The following AP2S1 variants were observed in gnomAD, a reference collection of about 807,000 sequenced individuals.
The protein encoded by AP2S1 is adaptor related protein complex 2 subunit sigma 1, also known as AP-2 complex subunit sigma.
Under a neutral mutation model 21.0 loss-of-function variants are expected in AP2S1, and 6 were observed. The ratio of observed to expected loss-of-function variants is 0.29; its 90% CI spans 0.16 to 0.56. The LOEUF is 0.56. Ranked by LOEUF, AP2S1 falls within the 20% of genes least tolerant of loss-of-function variation. The pLI, the probability that AP2S1 is intolerant of heterozygous loss-of-function variation, is 0.92. For synonymous variants in AP2S1, 63 were observed against 74.6 expected, an observed-to-expected ratio of 0.84 and a Z score of 0.80; for missense variants, 60 against 186.2, an observed-to-expected ratio of 0.32 and a Z score of 3.95.
chr19:46,839,655 A>G (rs1287966211), intron 2 of AP2S1, 77 bp from the exon 3 acceptor site: 3 of 1,601,030 alleles, frequency 1.9e-6, no homozygotes, highest in Non-Finnish European at 8.5e-7. Context: ...CAAAACATTC[A>G]CTCCTTCACT....
intron 3 of AP2S1, among the ~76,000 whole-genome samples, chr19:46,839,221 A>G (rs1319451729): frequency 1.4e-5 from 2 of 138,036 alleles, no homozygotes; most frequent in Non-Finnish European, 3.1e-5. Context: ...TGGGAGGTGG[A>G]GGCTGCAATG....
At chr19:46,845,919 A>G in intron 2 of AP2S1, 74 bp downstream of exon 2, 1 of 1,594,784 alleles carries the variant, frequency 6.3e-7, no homozygotes, top group South Asian at 1.1e-5. Flanking sequence ...TCTTGCAACT[A>G]GAAGCTGGGC....
At chr19:46,841,624 C>T (rs921756591) in intron 2 of AP2S1, among the ~76,000 whole-genome samples, 31 of 152,230 alleles carry the variant, frequency 2.0e-4, no homozygotes, top group Admixed American at 2.0e-3. Flanking sequence ...TGGACTGAGC[C>T]TGTGGGGGAA....
chr19:46,842,684 G>T (rs971104187), intron 2 of AP2S1, among the ~76,000 whole-genome samples: 4 of 151,950 alleles, frequency 2.6e-5, no homozygotes, highest in African/African-American at 9.7e-5. Flanking sequence ...TAGCAGCAAG[G>T]TGCCCACACA....
intron 1 of AP2S1, chr19:46,850,125 C>T: frequency 8.1e-7 from 1 of 1,231,696 alleles, no homozygotes; most frequent in Non-Finnish European, 1.0e-6. Context: ...TTCCGAGTGT[C>T]CATCTTACCT....
In AP2S1 at chr19:46,838,819, A is replaced by G. The variant is rs753056812; in HGVS notation, c.268-20T>C. On this transcript the variant is annotated intron_variant, in intron 3 of 4. Transcript: ENST00000263270. This position sits in a 1 kb window ranked among gnomAD's most constrained non-coding sequence, Gnocchi z 4.1. ...TAAGACCTGGGAGAGGAAGGCAGAG[A>G]TGGTAAGAGATGGGCAGGGAGAGAG... The G allele has an allele frequency of 1.9e-6, 3 of 1,607,652 alleles. No individual in the cohort carries two copies. The highest frequency in any genetic ancestry group is 2.6e-6 in the Non-Finnish European group (3 of 1,174,580).
At chr19:46,845,811 T>A in intron 2 of AP2S1, 182 bp downstream of exon 2, 1 of 733,728 alleles carries the variant, frequency 1.4e-6, no homozygotes, top group Admixed American at 2.9e-5. Flanking sequence ...TGTTTATGAT[T>A]TTTCACAATG....
At position 46,850,781 on chromosome 19, in the gene AP2S1, A is replaced by C; in HGVS notation, c.-15T>G. 2 of 1,577,628 alleles carry C rather than the reference A, an allele frequency of 1.3e-6. No individual in the cohort carries two copies. The highest frequency in any genetic ancestry group is 1.7e-6 in the Non-Finnish European group (2 of 1,160,888). Reference sequence around the variant, plus strand: ...CCCGTTACCATGGCGACCCCCGTCCAGACCCCAGCGGCCCCGGTCCCGCGG... The same window carrying C: ...CCCGTTACCATGGCGACCCCCGTCCCGACCCCAGCGGCCCCGGTCCCGCGG... On this transcript the variant is annotated 5_prime_UTR_variant, in exon 1 of 5. Coordinates refer to ENST00000263270, the MANE Select transcript of AP2S1 (RefSeq NM_004069.6).
At chr19:46,849,717 C>T (rs1047965232) in intron 1 of AP2S1, among the ~76,000 whole-genome samples, 1 of 152,096 alleles carries the variant, frequency 6.6e-6, no homozygotes, top group African/African-American at 2.4e-5. Flanking sequence ...CTCCAATCCC[C>T]CTCCTCTGGA....
rs145157092 is a variant in AP2S1, at chr19:46,844,755, G to C, written c.153+1238C>G. 2.3e-3 allele frequency among the ~76,000 whole-genome samples: 349 copies of C among 152,130 alleles called. 1 individual carries two copies. Among genetic ancestry groups the C allele is most frequent in the Middle Eastern group, 6.8e-3 (2 of 294 alleles). On this transcript the variant is annotated intron_variant, in intron 2 of 4. Coordinates refer to ENST00000263270, the MANE Select transcript of AP2S1 (RefSeq NM_004069.6). ...GTCAAGGCTGCTGTGAGCCATGTTC[G>C]TGCCACTGCACTCCCGCCTGGGTGA...
chr19:46,848,097 G>A (rs1012588272), intron 1 of AP2S1, among the ~76,000 whole-genome samples: 4 of 152,034 alleles, frequency 2.6e-5, no homozygotes, highest in Non-Finnish European at 5.9e-5. Flanking sequence ...GGCCGGTCAC[G>A]GTGGCTCACA....
chr19:46,846,191 G>T, intron 1 of AP2S1, 49 bp from the exon 2 acceptor site: 2 of 1,606,836 alleles, frequency 1.2e-6, no homozygotes, highest in Non-Finnish European at 1.7e-6. Flanking sequence ...CAGAGAGGGC[G>T]GGTTGGGTGC....
At chr19:46,842,700 AACACCCG>A (rs2055545531) in intron 2 of AP2S1, among the ~76,000 whole-genome samples, 1 of 151,956 alleles carries the variant, frequency 6.6e-6, no homozygotes, top group African/African-American at 2.4e-5. Flanking sequence ...ACACAGCCAG[AACACCCG>A]ACACCCAGTT....
chr19:46,845,940 G>T (rs562014612), intron 2 of AP2S1, 53 bp downstream of exon 2: 1 of 1,609,028 alleles, frequency 6.2e-7, no homozygotes, highest in East Asian at 2.2e-5. Context: ...AGGGAGTGGC[G>T]AAGTAGGGCA....
chr19:46,844,710 G>A (rs1175075780), intron 2 of AP2S1, among the ~76,000 whole-genome samples: 1 of 152,172 alleles, frequency 6.6e-6, no homozygotes, highest in Non-Finnish European at 1.5e-5. Context: ...TGAGGTGGGA[G>A]GGTAGCTTGA....
chr19:46,838,237 G>A lies in AP2S1; in HGVS notation c.*210C>T, dbSNP rs17653. On this transcript the variant is annotated 3_prime_UTR_variant, in exon 5 of 5. Transcript: ENST00000263270. The surrounding 1 kb of genome is among the most constrained non-coding windows in gnomAD (Gnocchi z 4.1). ...TTATGGCATCACACGACAACGGCAC[G>A]GTTACTCGGGACACACACGGTGGCC... The A allele has an allele frequency of 0.17, 101,135 of 590,196 alleles. 9,556 individuals are homozygous for A. Among genetic ancestry groups the A allele is most frequent in the Non-Finnish European group, 0.2 (67,509 of 329,950 alleles). 36.6% of individuals were successfully genotyped at this position (590,196 alleles called of 1,614,324 possible). A position where few individuals can be genotyped will look rare whatever the true frequency, so the allele number is the denominator to read the frequency against.
At chr19:46,840,170 T>C (rs1158779321) in intron 2 of AP2S1, among the ~76,000 whole-genome samples, 3 of 151,790 alleles carry the variant, frequency 2.0e-5, no homozygotes. Flanking sequence ...AAATGCGATA[T>C]ACACAGTTAG....
Position 46,850,837 on chromosome 19 carries a change from T to A in AP2S1, c.-71A>T. The A allele has an allele frequency of 2.8e-6, 4 of 1,445,338 alleles. No individual in the cohort carries two copies. The highest frequency in any genetic ancestry group is 3.7e-6 in the Non-Finnish European group (4 of 1,071,444). The allele number at this position is 1,445,338 out of a possible 1,614,324, so 89.5% of individuals were successfully genotyped here. ...GGGCAGCTCCGGCTCAGGGTGCAGT[T>A]GTAGGGCCCAGAGCTAGAGCGGACT... On this transcript the variant is annotated 5_prime_UTR_variant, in exon 1 of 5. Transcript: ENST00000263270.
intron 2 of AP2S1, among the ~76,000 whole-genome samples, chr19:46,842,946 G>A (rs1373870849): frequency 4.6e-5 from 7 of 151,982 alleles, no homozygotes; most frequent in South Asian, 2.1e-4. Flanking sequence ...CAGAAATGCC[G>A]TTTCCATATC....
Sources: gnomAD v4.1 joint callset for allele counts (sites outside exome capture counted in the v4.1 genomes callset) on GRCh38, gnomAD v4.1.1 for gene constraint, Gnocchi (gnomAD v3.1) non-coding constraint, MANE v1.5 for transcripts, NCBI Gene and HGNC (gene_info 2026-07-23, HGNC 2026-07-21) for gene names.